Variants in ZMYM6 observed in about 807,000 individuals in gnomAD.
ZMYM6 encodes the protein zinc finger MYM-type containing 6, also known as zinc finger MYM-type protein 6.
Under a neutral mutation model 134.0 loss-of-function variants are expected in ZMYM6, and 90 were observed. The ratio of observed to expected loss-of-function variants is 0.67; its 90% CI spans 0.57 to 0.80. The LOEUF (loss-of-function observed/expected upper bound fraction) is 0.80, where lower values mean the gene tolerates loss of function less well. ZMYM6 is among the 30% of genes least tolerant of loss of function. The pLI is 0.00. For synonymous variants in ZMYM6, 481 were observed against 524.1 expected, an observed-to-expected ratio of 0.92 and a Z score of 1.12; for missense variants, 1,362 against 1,533.9, an observed-to-expected ratio of 0.89 and a Z score of 1.87.
intron 14 of ZMYM6, among the ~76,000 whole-genome samples, chr1:34,997,649 A>G (rs946931510): frequency 1.2e-4 from 19 of 152,160 alleles, no homozygotes; most frequent in African/African-American, 4.3e-4. Flanking sequence ...TTTTTGTAAC[A>G]TGAGTTGTAT....
chr1:34,995,315 G>A (rs1640764756), intron 14 of ZMYM6, among the ~76,000 whole-genome samples: 1 of 148,548 alleles, frequency 6.7e-6, no homozygotes, highest in Non-Finnish European at 1.5e-5. Context: ...CTACAGGATT[G>A]TATACACATA....
intron 2 of ZMYM6, 102 bp from the exon 3 acceptor site, chr1:35,020,569 T>C (rs1391100456): frequency 1.9e-4 from 25 of 128,300 alleles, no homozygotes; most frequent in Non-Finnish European, 3.1e-4. Flanking sequence ...ATTCATCTCC[T>C]TTTTTTTTTT....
At chr1:34,994,981 A>G (rs1378379999) in intron 14 of ZMYM6, among the ~76,000 whole-genome samples, 1 of 142,094 alleles carries the variant, frequency 7.0e-6, no homozygotes, top group African/African-American at 2.7e-5. Context: ...ATGGATATAT[A>G]CATATCTATA....
chr1:35,002,646 C>A (rs1276449761), intron 14 of ZMYM6, among the ~76,000 whole-genome samples: 1 of 152,074 alleles, frequency 6.6e-6, no homozygotes, highest in Non-Finnish European at 1.5e-5. Flanking sequence ...GTTTTTTGAG[C>A]ACTACTGCTA....
At chr1:35,002,477 A>G (rs1640896843) in intron 14 of ZMYM6, among the ~76,000 whole-genome samples, 1 of 152,202 alleles carries the variant, frequency 6.6e-6, no homozygotes, top group Non-Finnish European at 1.5e-5. Flanking sequence ...GAAAATACTG[A>G]TGCCTTAGCA....
Position 35,019,549 on chromosome 1 carries a change from C to T in ZMYM6, c.232G>A (p.Val78Met). ...ACAGCTGGAACTGAAGGAAGCAACACACTTGGGCCAGATGATGCAAAAGAA... is the reference window on the plus strand; with the variant it reads ...ACAGCTGGAACTGAAGGAAGCAACATACTTGGGCCAGATGATGCAAAAGAA... ...QLSFASSGPSVLLPSVPAVAI... is the reference protein window; with the variant it reads ...QLSFASSGPSMLLPSVPAVAI... Residue 78 changes from valine to methionine, a missense_variant, in exon 4 of 16, where the codon GTG (valine) becomes ATG (methionine). Transcript: ENST00000357182. 1 of 1,612,762 alleles carries T rather than the reference C, an allele frequency of 6.2e-7. No homozygotes were observed. Among genetic ancestry groups the T allele is most frequent in the Admixed American group, 1.7e-5 (1 of 59,672 alleles).
chr1:35,010,414 C>T, intron 10 of ZMYM6, 33 bp downstream of exon 10: 1 of 1,592,872 alleles, frequency 6.3e-7, no homozygotes, highest in Non-Finnish European at 8.5e-7. Context: ...TATAACAACC[C>T]ATGCTCTGTG....
At chr1:34,997,940 A>G (rs1381052905) in intron 14 of ZMYM6, among the ~76,000 whole-genome samples, 1 of 152,092 alleles carries the variant, frequency 6.6e-6, no homozygotes, top group Non-Finnish European at 1.5e-5. Flanking sequence ...TATTTTTCCT[A>G]CTGATCTGAA....
intron 13 of ZMYM6, among the ~76,000 whole-genome samples, chr1:35,004,410 G>C (rs1388463240): frequency 6.6e-6 from 1 of 152,126 alleles, no homozygotes; most frequent in Non-Finnish European, 1.5e-5. Context: ...AGGAGCTCTA[G>C]ACCAGCCTGG....
rs182427493 is a variant in ZMYM6 at position 34,988,082 on chromosome 1, A to G, written c.3000T>C (p.Val1000=). The G allele has an allele frequency of 4.9e-5, 76 of 1,551,484 alleles. No individual in the cohort carries two copies. The African/African-American group carries it at 1.0e-3, about 20-fold the overall frequency. Residue 1000 remains valine (V), a synonymous_variant, in exon 16 of 16, where the codon GTT becomes GTC. Transcript: ENST00000357182. ...GTGTAAATGCCGCTGTATTCATGGC[A>G]ACTTCTTGAATTTTTGCTTTTAAAC... is the stretch of plus-strand genomic sequence containing the variant. ...YSGLKAKIQE[V]AMNTAAFTHC...
At chr1:35,005,846 G>C (rs540010945) in intron 12 of ZMYM6, among the ~76,000 whole-genome samples, 26 of 152,246 alleles carry the variant, frequency 1.7e-4, no homozygotes, top group Non-Finnish European at 3.5e-4. Flanking sequence ...AGCCTGACTG[G>C]TTCTGGGGAA....
chr1:34,998,943 G>A (rs950686428), intron 14 of ZMYM6, among the ~76,000 whole-genome samples: 2 of 152,092 alleles, frequency 1.3e-5, no homozygotes, highest in Admixed American at 6.5e-5. Context: ...GCAACATAGC[G>A]AGACCTCATC....
chr1:34,993,823 A>G (rs1640727703), intron 14 of ZMYM6, among the ~76,000 whole-genome samples: 1 of 151,856 alleles, frequency 6.6e-6, no homozygotes, highest in South Asian at 2.1e-4. Flanking sequence ...AGCTGGGACT[A>G]CAAGCACCCG....
Position 35,003,987 on chromosome 1 carries a change from G to A in ZMYM6, c.1973C>T (p.Ala658Val), listed in dbSNP as rs559970771. 3.7e-6 allele frequency: 6 copies of A among 1,611,824 alleles called. No individual in the cohort carries two copies. The Admixed American group carries it at 1.0e-4, about 27-fold the overall frequency. The stretch of plus-strand genomic sequence containing the variant: ...ACTCACATCTTGAATGATCTTTGCT[G>A]CCTCTTTAGTAACTGCACCTGTTGT... ...SVLKGAVTKE[A>V]AKIIQDESTQ... The change falls in exon 14 of 16, where the codon GCA becomes GTA. Residue 658 changes from alanine to valine, a missense_variant. Physicochemically the swap from Ala to Val is moderately conservative, Grantham distance 64. Around this residue, in one of 3 missense-constraint regions of ZMYM6, gnomAD observed 824 missense variants for 940.9 expected, o/e 0.88. Coordinates refer to ENST00000357182, the MANE Select transcript of ZMYM6 (RefSeq NM_007167.4).
At chr1:34,997,245 C>T (rs1464444773) in intron 14 of ZMYM6, among the ~76,000 whole-genome samples, 1 of 152,190 alleles carries the variant, frequency 6.6e-6, no homozygotes, top group Non-Finnish European at 1.5e-5. Context: ...GCATATGTTA[C>T]TTTTGCCCAT....
rs1341038089 is a variant in ZMYM6 at position 35,008,839 on chromosome 1, T to C, written c.1578A>G (p.Pro526=). 1 of 1,614,174 alleles carries C rather than the reference T, an allele frequency of 6.2e-7. No individual in the cohort carries two copies. The highest frequency in any genetic ancestry group is 1.7e-5 in the Admixed American group (1 of 60,026). Residue 526 remains proline (P), a synonymous_variant, in exon 11 of 16, where the codon CCA becomes CCG. Coordinates refer to ENST00000357182, the MANE Select transcript of ZMYM6 (RefSeq NM_007167.4). ...CCTCCAATCGATTTTCTACCAAATT[T>C]GGGGATGTCTGTGAACAGTAGCTGC... ...KMCSYCSQTS[P]NLVENRLEGK...
In ZMYM6 at chr1:35,005,629, CAAAAA is replaced by C. The variant is rs1182722333; in HGVS notation, c.1814-362_1814-358del. ...TGGGCAACATAGCAAAACCTAGTCT[CAAAAA>C]AAAAAAAAAAAAAAAAAGACAGGTA... On this transcript the variant is annotated intron_variant, in intron 12 of 15. Transcript: ENST00000357182. Among the ~76,000 whole-genome samples, 119 of 59,314 alleles carry C rather than the reference CAAAAA, an allele frequency of 2.0e-3. 1 individual carries two copies. In the Middle Eastern group the frequency reaches 0.12, roughly 60 times the overall value. 38.9% of individuals were successfully genotyped at this position (59,314 alleles called of 152,430 possible).
intron 15 of ZMYM6, chr1:34,989,165 G>C: frequency 7.7e-7 from 1 of 1,299,622 alleles, no homozygotes; most frequent in Non-Finnish European, 9.8e-7. Context: ...TGTAGGATGT[G>C]GTACATGTAC....
intron 10 of ZMYM6, among the ~76,000 whole-genome samples, chr1:35,009,723 A>C (rs1641049929): frequency 1.3e-5 from 2 of 152,058 alleles, no homozygotes; most frequent in East Asian, 3.9e-4. Flanking sequence ...ACCTGAGCTC[A>C]GGAGTTCAAG....
Sources: allele counts gnomAD v4.1 joint callset (sites outside exome capture counted in the v4.1 genomes callset), GRCh38; gene constraint gnomAD v4.1.1; regional missense constraint gnomAD v4.1.1; transcripts MANE v1.5; gene names NCBI Gene and HGNC (gene_info 2026-07-23, HGNC 2026-07-21).